The following CNTN5 variants were observed in gnomAD, a reference collection of about 807,000 sequenced individuals.
CNTN5 encodes contactin-5.
Under a neutral mutation model 129.1 loss-of-function variants are expected in CNTN5, and 77 were observed. The observed-to-expected ratio is 0.60, with a 90% CI of 0.50 to 0.72. The LOEUF is 0.72. Among genes scored for constraint, CNTN5 ranks in the 30% least tolerant of loss-of-function variants. The pLI, the probability that CNTN5 is intolerant of heterozygous loss-of-function variation, is 0.00. For missense variants in CNTN5, 1,478 were observed against 1,328.8 expected, an observed-to-expected ratio of 1.11 and a Z score of -1.75; for synonymous variants, 509 against 465.6, an observed-to-expected ratio of 1.09 and a Z score of -1.20.
intron 8 of CNTN5, among the ~76,000 whole-genome samples, chr11:99,988,964 G>T (rs1206035261): frequency 6.6e-6 from 1 of 151,916 alleles, no homozygotes; most frequent in East Asian, 1.9e-4. Context: ...TTTTTTGTTT[G>T]TTTGTTTGTT....
intron 13 of CNTN5, among the ~76,000 whole-genome samples, chr11:100,156,815 TTG>T (rs1198456533): frequency 9.2e-5 from 14 of 152,096 alleles, no homozygotes; most frequent in African/African-American, 3.1e-4. Context: ...TGATGGTAGT[TTG>T]TGTTTCTGTG....
chr11:100,244,553 T>C (rs2138691346), intron 16 of CNTN5, among the ~76,000 whole-genome samples: 1 of 152,286 alleles, frequency 6.6e-6, no homozygotes, highest in Middle Eastern at 3.4e-3. Flanking sequence ...CTTTTAGGCC[T>C]TTTTTAAAAT....
At position 100,308,794 on chromosome 11, in the gene CNTN5, T is replaced by G. The variant is rs571493131; in HGVS notation, c.2730+326T>G. On this transcript the variant is annotated intron_variant, in intron 21 of 24. Coordinates refer to ENST00000524871, the MANE Select transcript of CNTN5 (RefSeq NM_014361.4). ...TTTTAAAAGTTTTTGTGTCTTCCTT[T>G]CTAATAATTTAATGTATAAATACAA... 547 of 993,894 alleles carry G rather than the reference T, an allele frequency of 5.5e-4. No homozygotes were observed. In the Middle Eastern group the frequency reaches 0.013, roughly 23 times the overall value. The allele number at this position is 993,894 out of a possible 1,614,324, so 61.6% of individuals were successfully genotyped here. A position where few individuals can be genotyped will look rare whatever the true frequency, so the allele number is the denominator to read the frequency against.
At chr11:99,451,845 G>A (rs1474119244) in intron 2 of CNTN5, among the ~76,000 whole-genome samples, 1 of 152,068 alleles carries the variant, frequency 6.6e-6, no homozygotes, top group African/African-American at 2.4e-5. Context: ...TTTTGCATTT[G>A]AATGACACAT....
rs1360900315 is a variant in CNTN5, at chr11:99,817,099, A to G, written c.56-2445A>G. On this transcript the variant is annotated intron_variant, in intron 3 of 24. Coordinates refer to ENST00000524871, the MANE Select transcript of CNTN5 (RefSeq NM_014361.4). ...TTATATCACATGATACTAACATTGT[A>G]TGAATACTGCCTTTTTTCCCCACTA... Among the ~76,000 whole-genome samples, 5 of 152,322 alleles carry G rather than the reference A, an allele frequency of 3.3e-5. No individual in the cohort carries two copies. The East Asian group carries it at 9.6e-4, about 29-fold the overall frequency.
chr11:99,486,655 A>G (rs910993352), intron 2 of CNTN5, among the ~76,000 whole-genome samples: 7 of 152,186 alleles, frequency 4.6e-5, no homozygotes, highest in Admixed American at 2.0e-4. Flanking sequence ...CTAAAAATGT[A>G]GTTTAGATTT....
chr11:99,223,459 ATTTC>A (rs1320145257), intron 1 of CNTN5, among the ~76,000 whole-genome samples: 3 of 152,118 alleles, frequency 2.0e-5, no homozygotes, highest in Admixed American at 6.6e-5. Context: ...TGTGTTTTCT[ATTTC>A]TTTCTCTCTC....
At chr11:99,030,296 A>G (rs1191593262) in intron 1 of CNTN5, among the ~76,000 whole-genome samples, 1 of 152,086 alleles carries the variant, frequency 6.6e-6, no homozygotes. Context: ...TTATCCTTAG[A>G]CTTTTTAAGG....
intron 20 of CNTN5, among the ~76,000 whole-genome samples, chr11:100,304,893 G>A (rs1951312334): frequency 6.6e-6 from 1 of 151,024 alleles, no homozygotes; most frequent in Admixed American, 6.6e-5. Context: ...TAAGAACAGG[G>A]TTTGGAACAC....
chr11:99,432,335 T>C (rs946460889), intron 2 of CNTN5, among the ~76,000 whole-genome samples: 4 of 152,120 alleles, frequency 2.6e-5, no homozygotes, highest in Admixed American at 6.6e-5. Flanking sequence ...GATTTCTATT[T>C]TGTTTCCAGA....
intron 6 of CNTN5, among the ~76,000 whole-genome samples, chr11:99,912,620 C>T (rs1418219088): frequency 1.3e-5 from 2 of 150,002 alleles, no homozygotes; most frequent in South Asian, 2.1e-4. Flanking sequence ...CTCTTAATAA[C>T]ATCTATTATT....
chr11:99,213,990 T>C (rs1859976284), intron 1 of CNTN5, among the ~76,000 whole-genome samples: 1 of 152,138 alleles, frequency 6.6e-6, no homozygotes, highest in African/African-American at 2.4e-5. Flanking sequence ...TGTGTCATTT[T>C]CTCTACTTGA....
chr11:99,549,947 A>G (rs971036442), intron 2 of CNTN5, among the ~76,000 whole-genome samples: 3 of 152,208 alleles, frequency 2.0e-5, no homozygotes, highest in Non-Finnish European at 4.4e-5. Context: ...ATAAAATTAT[A>G]AAGTTGACTT....
chr11:99,889,294 GTGTGTGTGT>G (rs1565642524), intron 6 of CNTN5, among the ~76,000 whole-genome samples: 2 of 4,826 alleles, frequency 4.1e-4, no homozygotes, highest in Non-Finnish European at 6.9e-4. Flanking sequence ...CAGAGCAGGT[GTGTGTGTGT>G]GTGTGTGTGT....
intron 7 of CNTN5, among the ~76,000 whole-genome samples, chr11:99,954,687 A>G (rs1437363583): frequency 1.3e-5 from 2 of 152,224 alleles, no homozygotes; most frequent in African/African-American, 4.8e-5. Flanking sequence ...TGAAAACCTT[A>G]TAGGAGGAAG....
At chr11:100,057,230 A>T (rs997851160) in intron 9 of CNTN5, among the ~76,000 whole-genome samples, 1 of 148,040 alleles carries the variant, frequency 6.8e-6, no homozygotes, top group Non-Finnish European at 1.5e-5. Context: ...AAGTATAAGT[A>T]TATACATTAT....
chr11:100,239,768 C>G (rs866939130), intron 16 of CNTN5, among the ~76,000 whole-genome samples: 2 of 152,188 alleles, frequency 1.3e-5, no homozygotes, highest in Middle Eastern at 3.4e-3. Context: ...CATACAAAAT[C>G]TCAAGAAAAG....
intron 2 of CNTN5, among the ~76,000 whole-genome samples, chr11:99,532,774 C>T (rs1472173313): frequency 6.6e-6 from 1 of 152,170 alleles, no homozygotes; most frequent in Non-Finnish European, 1.5e-5. Context: ...ATAAGACCTC[C>T]CAATCCATGT....
chr11:100,084,014 TG>T (rs200393612), intron 13 of CNTN5, among the ~76,000 whole-genome samples: 4,343 of 152,176 alleles, frequency 0.029, 121 homozygotes, highest in African/African-American at 0.071. Context: ...AGAACAAGTC[TG>T]GTTTGTTGTA....
Sources: allele counts gnomAD v4.1 joint callset (sites outside exome capture counted in the v4.1 genomes callset), GRCh38; gene constraint gnomAD v4.1.1; transcripts MANE v1.5; gene names NCBI Gene and HGNC (gene_info 2026-07-23, HGNC 2026-07-21).